The following CENPP variants were observed in gnomAD, a reference collection of about 807,000 sequenced individuals.
The protein encoded by CENPP is centromere protein P.
CENPP carries 24 observed loss-of-function variants against 35.6 expected under a neutral mutation model. That is an observed-to-expected ratio of 0.67 (90% confidence interval 0.49 to 0.95). The LOEUF is 0.95. Ranked by LOEUF, CENPP falls within the 40% of genes least tolerant of loss-of-function variation. CENPP has a pLI of 0.00. For missense variants in CENPP, 332 were observed against 345.3 expected (o/e 0.96, Z 0.31); for synonymous variants, 120 against 125.5 (o/e 0.96, Z 0.29).
intron 5 of CENPP, among the ~76,000 whole-genome samples, chr9:92,425,080 G>T (rs1010759603): frequency 6.6e-6 from 1 of 152,134 alleles, no homozygotes; most frequent in African/African-American, 2.4e-5. Context: ...ATAACATTTC[G>T]CATTGTTTAT....
intron 5 of CENPP, among the ~76,000 whole-genome samples, chr9:92,566,479 C>T (rs1588280955): frequency 6.6e-6 from 1 of 151,812 alleles, no homozygotes; most frequent in Non-Finnish European, 1.5e-5. Context: ...TGGAGAAAGT[C>T]AAGAAAATGA....
chr9:92,460,689 T>G, intron 5 of CENPP: 1 of 607,202 alleles, frequency 1.6e-6, no homozygotes, highest in South Asian at 2.1e-5. Flanking sequence ...CTCTTTTTTT[T>G]CTTTGAGACA....
intron 2 of CENPP, 31 bp downstream of exon 2, chr9:92,332,382 A>T (rs1588031930): frequency 7.0e-7 from 1 of 1,433,772 alleles, no homozygotes; most frequent in East Asian, 2.4e-5. Context: ...TAGACATAGT[A>T]TGGAAGCTTA....
chr9:92,326,203 C>T, intron 1 of CENPP, 98 bp downstream of exon 1: 1 of 783,668 alleles, frequency 1.3e-6, no homozygotes, highest in Non-Finnish European at 2.0e-6. Context: ...TACTCCCAGC[C>T]CTAGAAAGTG....
At chr9:92,517,739 G>A in intron 5 of CENPP, 1 of 1,614,170 alleles carries the variant, frequency 6.2e-7, no homozygotes, top group East Asian at 2.2e-5. Context: ...CTGTTTGGGG[G>A]CACCTCTGGG....
At chr9:92,608,422 C>T (rs1851141310) in intron 5 of CENPP, among the ~76,000 whole-genome samples, 2 of 152,194 alleles carry the variant, frequency 1.3e-5, no homozygotes, top group Non-Finnish European at 2.9e-5. Flanking sequence ...TTTGTCTTAA[C>T]TCTTTCTTGC....
At chr9:92,488,193 G>A (rs765974380) in intron 5 of CENPP, among the ~76,000 whole-genome samples, 1 of 152,228 alleles carries the variant, frequency 6.6e-6, no homozygotes, top group Non-Finnish European at 1.5e-5. Context: ...GTGAATATAA[G>A]TGAAGGGTAT....
intron 4 of CENPP, among the ~76,000 whole-genome samples, chr9:92,348,372 T>C (rs1229975803): frequency 6.6e-6 from 1 of 151,976 alleles, no homozygotes; most frequent in African/African-American, 2.4e-5. Flanking sequence ...ATGCTCCTTC[T>C]TCCTTAAGAA....
chr9:92,422,414 CT>C (rs1446276375), intron 5 of CENPP, among the ~76,000 whole-genome samples: 2 of 152,016 alleles, frequency 1.3e-5, no homozygotes, highest in Non-Finnish European at 2.9e-5. Flanking sequence ...AGTTATCAAC[CT>C]TACATTTGAG....
Position 92,387,307 on chromosome 9 carries a change from T to TGGAGGTTGCAGTGAGCCG in CENPP, c.564+7449_564+7466dup, listed in dbSNP as rs1193063058. On this transcript the variant is annotated intron_variant, in intron 5 of 7. Transcript: ENST00000375587. ...AGGAGAATTGCTTGAACCCAGGGGG[T>TGGAGGTTGCAGTGAGCCG]GGAGGTTGCAGTGAGCCGAGATTGT... 4.0e-5 allele frequency among the ~76,000 whole-genome samples: 6 copies of TGGAGGTTGCAGTGAGCCG among 148,694 alleles called. No homozygotes were observed. The East Asian group carries it at 1.0e-3, about 25-fold the overall frequency.
chr9:92,478,732 G>A (rs1342193255), intron 5 of CENPP, among the ~76,000 whole-genome samples: 1 of 152,156 alleles, frequency 6.6e-6, no homozygotes, highest in Non-Finnish European at 1.5e-5. Flanking sequence ...CACTGTGTGA[G>A]CCACTGCACC....
chr9:92,390,587 T>TGTGTGTGC (rs749697394), intron 5 of CENPP, among the ~76,000 whole-genome samples: 36 of 141,910 alleles, frequency 2.5e-4, no homozygotes, highest in African/African-American at 8.4e-4. Flanking sequence ...TGTGTGTGTG[T>TGTGTGTGC]GCGCGCGCGC....
At chr9:92,496,106 A>AGAGAT in intron 5 of CENPP, 1 of 1,189,360 alleles carries the variant, frequency 8.4e-7, no homozygotes, top group Non-Finnish European at 1.0e-6. Context: ...TAGGAAACTG[A>AGAGAT]GAGATTTTAC....
At chr9:92,393,138 G>A (rs748344747) in intron 5 of CENPP, 31 of 1,613,598 alleles carry the variant, frequency 1.9e-5, no homozygotes, top group African/African-American at 1.7e-4. Context: ...TGAATCGTGC[G>A]TAAAGATAGG....
chr9:92,543,860 G>C (rs188608097), intron 5 of CENPP, among the ~76,000 whole-genome samples: 2 of 152,086 alleles, frequency 1.3e-5, no homozygotes, highest in African/African-American at 2.4e-5. Flanking sequence ...ATACAGAAAA[G>C]CTACTGATTT....
chr9:92,503,154 AT>A (rs754447344), intron 5 of CENPP, among the ~76,000 whole-genome samples: 7 of 152,190 alleles, frequency 4.6e-5, no homozygotes, highest in Non-Finnish European at 8.8e-5. Flanking sequence ...AATCAAATGA[AT>A]TTTATTTAAA....
intron 5 of CENPP, chr9:92,386,357 A>G (rs1213346390): frequency 9.7e-6 from 10 of 1,026,064 alleles, no homozygotes; most frequent in African/African-American, 1.6e-5. Context: ...ACAGGATTCA[A>G]GCAATATATA....
intron 5 of CENPP, among the ~76,000 whole-genome samples, chr9:92,508,464 G>A (rs1847141127): frequency 6.6e-6 from 1 of 152,196 alleles, no homozygotes; most frequent in East Asian, 1.9e-4. Context: ...GTGAAAGCAC[G>A]TTCACAATCA....
intron 5 of CENPP, chr9:92,389,707 TG>T: frequency 1.7e-6 from 1 of 585,646 alleles, no homozygotes; most frequent in Non-Finnish European, 3.0e-6. Flanking sequence ...CCTAATAGGA[TG>T]GTTATTTATT....
Sources: allele counts gnomAD v4.1 joint callset (sites outside exome capture counted in the v4.1 genomes callset), GRCh38; gene constraint gnomAD v4.1.1; transcripts MANE v1.5; gene names NCBI Gene and HGNC (gene_info 2026-07-23, HGNC 2026-07-21).